The following DPP6 variants were observed in gnomAD, a reference collection of about 807,000 sequenced individuals.
The protein encoded by DPP6 is dipeptidyl peptidase like 6, also known as A-type potassium channel modulatory protein DPP6.
In DPP6, 69 loss-of-function variants were observed where a neutral mutation model predicts 122.6. The ratio of observed to expected loss-of-function variants is 0.56; its 90% CI spans 0.46 to 0.69. The LOEUF is 0.69. Ranked by LOEUF, DPP6 falls within the 30% of genes least tolerant of loss-of-function variation. The pLI, the probability that DPP6 is intolerant of heterozygous loss-of-function variation, is 0.00. For missense variants in DPP6, 928 were observed against 1,116.9 expected, an observed-to-expected ratio of 0.83 and a Z score of 2.41; for synonymous variants, 418 against 433.1, an observed-to-expected ratio of 0.97 and a Z score of 0.43.
chr7:154,236,995 T>C (rs1203415217), intron 1 of DPP6, among the ~76,000 whole-genome samples: 2 of 152,154 alleles, frequency 1.3e-5, no homozygotes, highest in Non-Finnish European at 2.9e-5. Flanking sequence ...TCTCATCCAC[T>C]TTCCTCTCTG....
At chr7:153,825,254 T>G in the DPP6 span, among the ~76,000 whole-genome samples, 1 of 152,120 alleles carries the variant, frequency 6.6e-6, no homozygotes, top group African/African-American at 2.4e-5. Flanking sequence ...AAAATGGTCC[T>G]GTTCTCTCAT....
chr7:154,296,124 T>G (rs2150971752), intron 1 of DPP6, among the ~76,000 whole-genome samples: 1 of 152,156 alleles, frequency 6.6e-6, no homozygotes, highest in South Asian at 2.1e-4. Flanking sequence ...TTTGTATTTT[T>G]TAGTAAAGAC....
chr7:153,852,938 C>A, the DPP6 span, among the ~76,000 whole-genome samples: 1 of 152,148 alleles, frequency 6.6e-6, no homozygotes, highest in Non-Finnish European at 1.5e-5. Context: ...AACGGACAAG[C>A]TATGAAGTGA....
Position 154,100,792 on chromosome 7 carries a change from G to A in DPP6, c.243+47729G>A, listed in dbSNP as rs1212417158. On this transcript the variant is annotated intron_variant, in intron 1 of 25. Coordinates refer to ENST00000377770, the MANE Select transcript of DPP6 (RefSeq NM_130797.4). ...ATTTCCCACACAGACTGCACATACC[G>A]CACAGGTGTGACCTGCTGGTGATGA... is the stretch of plus-strand genomic sequence containing the variant. Among the ~76,000 whole-genome samples the A allele has an allele frequency of 2.4e-5, 3 of 123,678 alleles. 1 individual carries two copies. The highest frequency in any genetic ancestry group is 5.3e-5 in the Non-Finnish European group (3 of 56,888). The allele number at this position is 123,678 out of a possible 152,430, so 81.1% of individuals were successfully genotyped here. A position where few individuals can be genotyped will look rare whatever the true frequency, so the allele number is the denominator to read the frequency against.
intron 1 of DPP6, among the ~76,000 whole-genome samples, chr7:153,993,130 C>G (rs1797261205): frequency 6.6e-6 from 1 of 152,174 alleles, no homozygotes. Context: ...TCCTACATAA[C>G]CACAGAGTTT....
At chr7:153,916,576 T>G (rs936200009) in intron 1 of DPP6, among the ~76,000 whole-genome samples, 3 of 151,660 alleles carry the variant, frequency 2.0e-5, no homozygotes, top group Admixed American at 2.0e-4. Context: ...GCCCAGCTAA[T>G]TTTTGTATTT....
At position 154,124,015 on chromosome 7, in the gene DPP6, T is replaced by C. The variant is rs144622739; in HGVS notation, c.243+70952T>C. On this transcript the variant is annotated intron_variant, in intron 1 of 25. Transcript: ENST00000377770. The stretch of plus-strand genomic sequence containing the variant: ...ATGCTGCCCACTCACTATGATTCCA[T>C]GGGGACAGACATGCCGCCCACGCAC... Among the ~76,000 whole-genome samples, 446 of 150,122 alleles carry C rather than the reference T, an allele frequency of 3.0e-3. 1 individual carries two copies. The highest frequency in any genetic ancestry group is 0.011 in the African/African-American group (429 of 40,684).
intron 7 of DPP6, among the ~76,000 whole-genome samples, chr7:154,689,930 C>T (rs1363802117): frequency 6.6e-6 from 1 of 152,126 alleles, no homozygotes; most frequent in Non-Finnish European, 1.5e-5. Context: ...TATAGAGAAA[C>T]CTTCTTTGGA....
At chr7:154,684,859 T>C (rs752291149) in intron 7 of DPP6, among the ~76,000 whole-genome samples, 1 of 152,252 alleles carries the variant, frequency 6.6e-6, no homozygotes, top group Non-Finnish European at 1.5e-5. Context: ...GCTGTCTACT[T>C]CCTGTAAATC....
At chr7:154,484,973 A>C (rs900547194) in intron 3 of DPP6, among the ~76,000 whole-genome samples, 1 of 151,738 alleles carries the variant, frequency 6.6e-6, no homozygotes, top group Non-Finnish European at 1.5e-5. Context: ...TTTTTTTTTT[A>C]AATAAAGCTT....
intron 5 of DPP6, among the ~76,000 whole-genome samples, chr7:154,572,683 ATT>A (rs34011988): frequency 3.1e-5 from 4 of 130,684 alleles, no homozygotes; most frequent in Non-Finnish European, 6.5e-5. Context: ...CACATGGCTA[ATT>A]TTTTTTTTTT....
chr7:154,679,864 G>A (rs1420861991), intron 7 of DPP6, among the ~76,000 whole-genome samples: 1 of 152,168 alleles, frequency 6.6e-6, no homozygotes, highest in Non-Finnish European at 1.5e-5. Flanking sequence ...ACAGTTTGGT[G>A]AGTGATTTGT....
At chr7:153,847,247 C>T in the DPP6 span, among the ~76,000 whole-genome samples, 1 of 152,092 alleles carries the variant, frequency 6.6e-6, no homozygotes, top group African/African-American at 2.4e-5. Flanking sequence ...GGCAGAGCAG[C>T]CTAGTTTATT....
intron 1 of DPP6, among the ~76,000 whole-genome samples, chr7:153,996,005 C>T (rs75596123): frequency 6.6e-6 from 1 of 151,202 alleles, no homozygotes; most frequent in Non-Finnish European, 1.5e-5. Flanking sequence ...TCCGCAGGGG[C>T]TAGGATTGTG....
At chr7:154,200,671 G>A (rs1799125517) in intron 1 of DPP6, among the ~76,000 whole-genome samples, 1 of 152,128 alleles carries the variant, frequency 6.6e-6, no homozygotes, top group Admixed American at 6.5e-5. Context: ...TCCTGAATTA[G>A]GTTGTAAATA....
At chr7:154,590,774 T>C (rs1832767214) in intron 5 of DPP6, among the ~76,000 whole-genome samples, 1 of 151,596 alleles carries the variant, frequency 6.6e-6, no homozygotes, top group Non-Finnish European at 1.5e-5. Context: ...CCTCAGGTGA[T>C]CCGCTCACCT....
intron 7 of DPP6, among the ~76,000 whole-genome samples, chr7:154,715,532 AG>A (rs1236778780): frequency 1.3e-5 from 2 of 152,224 alleles, no homozygotes; most frequent in Non-Finnish European, 2.9e-5. Flanking sequence ...GGATTGTGAT[AG>A]GCTATTTTAA....
intron 1 of DPP6, among the ~76,000 whole-genome samples, chr7:154,205,940 C>A (rs1799424281): frequency 6.6e-6 from 1 of 152,166 alleles, no homozygotes; most frequent in African/African-American, 2.4e-5. Context: ...TGGGCTCAGG[C>A]TGATGCCCCC....
At chr7:154,195,450 C>A (rs1388131903) in intron 1 of DPP6, among the ~76,000 whole-genome samples, 1 of 151,122 alleles carries the variant, frequency 6.6e-6, no homozygotes, top group Non-Finnish European at 1.5e-5. Context: ...ATGGAAACTG[C>A]CATTGGCCGG....
Sources: gnomAD v4.1 joint callset for allele counts (sites outside exome capture counted in the v4.1 genomes callset) on GRCh38, gnomAD v4.1.1 for gene constraint, MANE v1.5 for transcripts, NCBI Gene and HGNC (gene_info 2026-07-23, HGNC 2026-07-21) for gene names.